The following USH2A variants were observed in gnomAD, a reference collection of about 807,000 sequenced individuals.
USH2A encodes the protein usherin.
USH2A carries 443 observed loss-of-function variants against 538.9 expected under a neutral mutation model. That is an observed-to-expected ratio of 0.82 (90% CI 0.76 to 0.89). The LOEUF is 0.89. Ranked by LOEUF, USH2A falls within the 40% of genes least tolerant of loss-of-function variation. The pLI is 0.00. For synonymous variants in USH2A, 2,413 were observed against 2,273.5 expected (o/e 1.06, Z -1.75); for missense variants, 6,633 against 6,324.8 (o/e 1.05, Z -1.65).
chr1:216,179,319 G>A (rs2034448211), intron 20 of USH2A, among the ~76,000 whole-genome samples: 7 of 151,562 alleles, frequency 4.6e-5, no homozygotes, highest in Admixed American at 4.6e-4. Context: ...TTTTAATTTG[G>A]CAAAGTGATT....
rs75293742 is a variant in USH2A at position 216,342,961 on chromosome 1, T to A, written c.785-15307A>T. 8.4e-4 allele frequency among the ~76,000 whole-genome samples: 128 copies of A among 152,058 alleles called. No homozygotes were observed. The East Asian group carries it at 0.013, about 15-fold the overall frequency. ...ACGCATATACCTATGTAACAAACTT[T>A]CACGTTATGCACAAGTATCCCAGAA... is the stretch of plus-strand genomic sequence containing the variant. On this transcript the variant is annotated intron_variant, in intron 4 of 71. Transcript: ENST00000307340.
intron 21 of USH2A, among the ~76,000 whole-genome samples, chr1:216,145,462 G>C (rs1346672150): frequency 2.0e-5 from 3 of 152,140 alleles, no homozygotes; most frequent in African/African-American, 7.2e-5. Context: ...AAAGGTTAAG[G>C]CTTAATTCAG....
At chr1:215,869,167 A>G (rs1275172233) in intron 43 of USH2A, among the ~76,000 whole-genome samples, 1 of 152,216 alleles carries the variant, frequency 6.6e-6, no homozygotes, top group Non-Finnish European at 1.5e-5. Context: ...TTTTGAAAAT[A>G]AGAAAAACAA....
At chr1:215,630,143 A>G (rs1165840789) in intron 70 of USH2A, 2 of 515,420 alleles carry the variant, frequency 3.9e-6, no homozygotes, top group East Asian at 5.5e-5. Flanking sequence ...TGTGCAGTCA[A>G]CACACCATGC....
chr1:215,643,565 G>A (rs1656757230), intron 67 of USH2A, among the ~76,000 whole-genome samples: 1 of 148,292 alleles, frequency 6.7e-6, no homozygotes, highest in Admixed American at 6.7e-5. Flanking sequence ...TTGCTCTGTT[G>A]CCAAGGTTGG....
chr1:215,804,229 G>A (rs1282332199), intron 49 of USH2A, among the ~76,000 whole-genome samples: 1 of 151,936 alleles, frequency 6.6e-6, no homozygotes, highest in Non-Finnish European at 1.5e-5. Flanking sequence ...CATGGGCAAG[G>A]ACTTCATGTC....
intron 21 of USH2A, among the ~76,000 whole-genome samples, chr1:216,101,376 T>C (rs1257318346): frequency 6.6e-6 from 1 of 152,238 alleles, no homozygotes; most frequent in Non-Finnish European, 1.5e-5. Flanking sequence ...CACTCTCTTT[T>C]CCTATAAGAA....
intron 21 of USH2A, among the ~76,000 whole-genome samples, chr1:216,143,876 C>T (rs933276277): frequency 6.6e-6 from 1 of 152,194 alleles, no homozygotes; most frequent in African/African-American, 2.4e-5. Context: ...AGGTCAGTGA[C>T]TACAATGCAA....
At chr1:215,676,081 G>T (rs536552624) in intron 62 of USH2A, among the ~76,000 whole-genome samples, 3 of 152,160 alleles carry the variant, frequency 2.0e-5, no homozygotes, top group Non-Finnish European at 4.4e-5. Context: ...TGTTGTTACA[G>T]AGTGCCAGGG....
At chr1:215,760,031 T>C (rs1292572557) in intron 56 of USH2A, among the ~76,000 whole-genome samples, 188 bp from the exon 57 acceptor site, 1 of 152,228 alleles carries the variant, frequency 6.6e-6, no homozygotes, top group African/African-American at 2.4e-5. Flanking sequence ...TATTTTTGAA[T>C]TGCCTTTGGA....
intron 4 of USH2A, among the ~76,000 whole-genome samples, chr1:216,349,851 A>C (rs1223557679): frequency 6.6e-6 from 1 of 152,138 alleles, no homozygotes; most frequent in Non-Finnish European, 1.5e-5. Flanking sequence ...TAATTTTTTT[A>C]AAAAAGATTT....
rs1344982660 is a variant in USH2A at position 215,647,504 on chromosome 1, G to A, written c.14791+18C>T. Reference sequence around the variant, plus strand: ...ATTCCAATCTCTCTGGCTTATGGTAGCAGCCACTTATACTCACATTCTTTT... The same window carrying A: ...ATTCCAATCTCTCTGGCTTATGGTAACAGCCACTTATACTCACATTCTTTT... On this transcript the variant is annotated intron_variant, in intron 67 of 71. Transcript: ENST00000307340. The A allele has an allele frequency of 6.2e-7, 1 of 1,613,106 alleles. No individual in the cohort carries two copies. The highest frequency in any genetic ancestry group is 8.5e-7 in the Non-Finnish European group (1 of 1,179,770).
intron 60 of USH2A, among the ~76,000 whole-genome samples, chr1:215,733,899 T>C (rs1224071884): frequency 6.6e-6 from 1 of 152,210 alleles, no homozygotes; most frequent in African/African-American, 2.4e-5. Context: ...TGAATCCCTA[T>C]GGCTTTTTTC....
intron 64 of USH2A, among the ~76,000 whole-genome samples, chr1:215,668,989 C>A (rs891524151): frequency 1.3e-5 from 2 of 152,116 alleles, no homozygotes; most frequent in Admixed American, 1.3e-4. Flanking sequence ...GAGTTGAGAT[C>A]TCGAGATCTC....
At chr1:215,680,006 T>C in intron 62 of USH2A, 143 bp downstream of exon 62, 1 of 809,026 alleles carries the variant, frequency 1.2e-6, no homozygotes, top group African/African-American at 1.7e-5. Context: ...CTGTGATCTA[T>C]GATTAAGTGC....
intron 58 of USH2A, among the ~76,000 whole-genome samples, chr1:215,753,433 A>T (rs1012262619): frequency 4.6e-5 from 7 of 152,114 alleles, no homozygotes; most frequent in African/African-American, 1.2e-4. Flanking sequence ...AATGATAGAC[A>T]GGATTAAGAA....
chr1:215,638,304 C>A (rs922267407), intron 69 of USH2A, among the ~76,000 whole-genome samples: 1 of 152,164 alleles, frequency 6.6e-6, no homozygotes, highest in Non-Finnish European at 1.5e-5. Flanking sequence ...TCCATATTTA[C>A]AATTCAATAT....
intron 41 of USH2A, among the ~76,000 whole-genome samples, chr1:215,885,239 T>C (rs1024679228): frequency 3.9e-5 from 6 of 151,932 alleles, no homozygotes; most frequent in African/African-American, 7.3e-5. Flanking sequence ...AAAAAAACCA[T>C]ATGGGCTTTC....
chr1:215,774,066 C>A (rs4308955), intron 55 of USH2A, among the ~76,000 whole-genome samples: 5,680 of 152,170 alleles, frequency 0.037, 119 homozygotes, highest in South Asian at 0.064. Flanking sequence ...TTCCTCCCCC[C>A]CATTGAGCAG....
Sources: gnomAD v4.1 joint callset for allele counts (sites outside exome capture counted in the v4.1 genomes callset) on GRCh38, gnomAD v4.1.1 for gene constraint, MANE v1.5 for transcripts, NCBI Gene and HGNC (gene_info 2026-07-23, HGNC 2026-07-21) for gene names.